HERC2: variants seen among roughly 807,000 people sequenced by gnomAD.
The protein encoded by HERC2 is HECT and RLD domain containing E3 ubiquitin protein ligase 2, also known as E3 ubiquitin-protein ligase HERC2.
In HERC2, 102 loss-of-function variants were observed where a neutral mutation model predicts 537.7. The ratio of observed to expected loss-of-function variants is 0.19; its 90% CI spans 0.16 to 0.22. The LOEUF is 0.22. Ranked by LOEUF, HERC2 falls within the 10% of genes least tolerant of loss-of-function variation. The pLI, the probability that HERC2 is intolerant of heterozygous loss-of-function variation, is 1.00. For synonymous variants in HERC2, 2,224 were observed against 2,466.2 expected, an observed-to-expected ratio of 0.90 and a Z score of 2.91; for missense variants, 4,236 against 6,198.2, an observed-to-expected ratio of 0.68 and a Z score of 10.63.
intron 2 of HERC2, among the ~76,000 whole-genome samples, chr15:28,301,797 CTAACT>C (rs1262544525): frequency 2.8e-4 from 16 of 56,954 alleles, no homozygotes; most frequent in South Asian, 8.9e-4. Flanking sequence ...TATATTCTAT[CTAACT>C]TTTTTTTTTT....
intron 69 of HERC2, among the ~76,000 whole-genome samples, chr15:28,161,195 C>T (rs1893559002): frequency 6.6e-6 from 1 of 152,172 alleles, no homozygotes; most frequent in Non-Finnish European, 1.5e-5. Context: ...AATTTCTGAC[C>T]ATCAGAGCTT....
At chr15:28,202,666 T>C in intron 45 of HERC2, 52 bp from the exon 46 acceptor site, 1 of 496,574 alleles carries the variant, frequency 2.0e-6, no homozygotes, top group Non-Finnish European at 3.4e-6. Flanking sequence ...TCAGCTAGCT[T>C]ACACAGTCTA....
intron 85 of HERC2, among the ~76,000 whole-genome samples, chr15:28,123,661 G>A (rs749116541): frequency 6.6e-5 from 10 of 152,148 alleles, no homozygotes; most frequent in Non-Finnish European, 1.0e-4. Flanking sequence ...CAGCCCAATC[G>A]CCGGCCTTCC....
At chr15:28,312,730 A>C (rs2076981123) in intron 2 of HERC2, 1 of 483,308 alleles carries the variant, frequency 2.1e-6, no homozygotes, top group Admixed American at 6.4e-5. Flanking sequence ...TTAGCTTTTT[A>C]TTAGTAGCTG....
chr15:28,114,597 C>T lies in HERC2; in HGVS notation c.13913+15G>A, dbSNP rs1340726858. The T allele has an allele frequency of 1.9e-6, 3 of 1,609,444 alleles. No homozygotes were observed. Among genetic ancestry groups the T allele is most frequent in the South Asian group, 1.1e-5 (1 of 90,944 alleles). ...GCTATTTATGTCAATGCAACAGAGA[C>T]GGATGACCACCAACCTATAGTTTAT... On this transcript the variant is annotated intron_variant, in intron 90 of 92. Transcript: ENST00000261609.
In HERC2 at chr15:28,116,877, C is replaced by G; in HGVS notation, c.13415-18G>C. On this transcript the variant is annotated intron_variant, in intron 87 of 92. Transcript: ENST00000261609. ...AGATTCACCTGCAGGGGAGAAGCAG[C>G]CACTCGAAGTCCCCTCACACAGTCC... The G allele has an allele frequency of 1.2e-6, 2 of 1,607,790 alleles. No individual in the cohort carries two copies. Among genetic ancestry groups the G allele is most frequent in the East Asian group, 2.2e-5 (1 of 44,806 alleles).
At chr15:28,217,492 G>A (rs569909873) in intron 38 of HERC2, among the ~76,000 whole-genome samples, 84 of 152,074 alleles carry the variant, frequency 5.5e-4, no homozygotes, top group Non-Finnish European at 9.7e-4. Context: ...CACACTGGAG[G>A]ACGCCCACAT....
intron 14 of HERC2, among the ~76,000 whole-genome samples, chr15:28,264,033 A>T (rs1001520318): frequency 6.6e-6 from 1 of 151,778 alleles, no homozygotes; most frequent in Admixed American, 6.6e-5. Flanking sequence ...AAAAAAAAAA[A>T]AAAAACAAAC....
intron 23 of HERC2, among the ~76,000 whole-genome samples, chr15:28,239,332 A>C (rs866250608): frequency 1.7e-4 from 26 of 152,326 alleles, no homozygotes; most frequent in Admixed American, 3.3e-4. Flanking sequence ...CACCAAATCA[A>C]TAAAAGTCTA....
At chr15:28,297,521 T>G (rs2076501610) in intron 3 of HERC2, among the ~76,000 whole-genome samples, 1 of 151,572 alleles carries the variant, frequency 6.6e-6, no homozygotes, top group Non-Finnish European at 1.5e-5. Flanking sequence ...TGATGAGAAG[T>G]GCTATATTAA....
chr15:28,236,537 C>T (rs4932686), intron 26 of HERC2, among the ~76,000 whole-genome samples: 1,822 of 151,626 alleles, frequency 0.012, 33 homozygotes, highest in African/African-American at 0.038. Context: ...GTGATCCACC[C>T]GCCTCAGCCT....
chr15:28,175,725 T>C, intron 63 of HERC2, 69 bp from the exon 64 acceptor site: 2 of 1,492,668 alleles, frequency 1.3e-6, no homozygotes, highest in Non-Finnish European at 1.9e-6. Flanking sequence ...AAGAAGACAC[T>C]CATTGTCTCA....
intron 2 of HERC2, among the ~76,000 whole-genome samples, chr15:28,306,186 T>A (rs1244749372): frequency 1.3e-5 from 2 of 152,254 alleles, no homozygotes; most frequent in African/African-American, 4.8e-5. Flanking sequence ...CACCTTTCAG[T>A]ATGATACTAG....
intron 23 of HERC2, among the ~76,000 whole-genome samples, chr15:28,241,694 C>A (rs1479619307): frequency 1.3e-5 from 2 of 152,098 alleles, no homozygotes; most frequent in Non-Finnish European, 2.9e-5. Context: ...GTGGCGCACG[C>A]CTGTAGTCCC....
Position 28,198,612 on chromosome 15 carries a change from A to T in HERC2, c.7874T>A (p.Val2625Glu). ...AAGAATGTGCTCACCTATAAGTTCC[A>T]CATGAATGTACCTAACCCAGTAGGT... ...GGTYWVRYIH[V>E]ELIGYPPPSS... The change falls in exon 49 of 93, where the codon GTG (valine) becomes GAG (glutamate). Residue 2625 changes from valine to glutamate, a missense_variant. Transcript: ENST00000261609. The T allele has an allele frequency of 6.2e-7, 1 of 1,613,162 alleles. No individual in the cohort carries two copies. Among genetic ancestry groups the T allele is most frequent in the Non-Finnish European group, 8.5e-7 (1 of 1,179,484 alleles).
At chr15:28,160,671 T>C (rs1893500633) in intron 69 of HERC2, among the ~76,000 whole-genome samples, 1 of 152,232 alleles carries the variant, frequency 6.6e-6, no homozygotes, top group Admixed American at 6.5e-5. Flanking sequence ...CCCTGACCCC[T>C]TGTGCTTCCC....
At chr15:28,181,128 G>A (rs753218900) in intron 57 of HERC2, among the ~76,000 whole-genome samples, 1 of 152,160 alleles carries the variant, frequency 6.6e-6, no homozygotes. Context: ...CATTGTAGAT[G>A]GATGTAATTT....
chr15:28,224,709 T>C (rs1900927371), intron 35 of HERC2, among the ~76,000 whole-genome samples: 2 of 152,148 alleles, frequency 1.3e-5, no homozygotes, highest in African/African-American at 4.8e-5. Context: ...TACACATTCT[T>C]CTCAAGTATA....
intron 29 of HERC2, 46 bp downstream of exon 29, chr15:28,233,388 G>A: frequency 8.0e-7 from 1 of 1,248,732 alleles, no homozygotes; most frequent in Non-Finnish European, 1.2e-6. Flanking sequence ...AAATATTTCA[G>A]CAACTGTCTG....
Sources: allele counts gnomAD v4.1 joint callset (sites outside exome capture counted in the v4.1 genomes callset), GRCh38; gene constraint gnomAD v4.1.1; transcripts MANE v1.5; gene names NCBI Gene and HGNC (gene_info 2026-07-23, HGNC 2026-07-21).